Variants in EIF4ENIF1 observed in about 807,000 individuals in gnomAD.
The protein encoded by EIF4ENIF1 is eukaryotic translation initiation factor 4E transporter.
A neutral mutation model predicts 110.5 loss-of-function variants in EIF4ENIF1; 23 were observed. The ratio of observed to expected loss-of-function variants is 0.21; its 90% CI spans 0.15 to 0.29. The LOEUF (loss-of-function observed/expected upper bound fraction) is 0.29. Among genes scored for constraint, EIF4ENIF1 ranks in the 10% least tolerant of loss-of-function variants. The pLI, the probability that EIF4ENIF1 is intolerant of heterozygous loss-of-function variation, is 1.00. For missense variants in EIF4ENIF1, 1,031 were observed against 1,221.1 expected, an observed-to-expected ratio of 0.84 and a Z score of 2.32; for synonymous variants, 440 against 437.0, an observed-to-expected ratio of 1.01 and a Z score of -0.09.
chr22:31,449,564 T>C (rs1033876913), intron 11 of EIF4ENIF1, 33 bp from the exon 12 acceptor site: 2 of 1,591,880 alleles, frequency 1.3e-6, no homozygotes, highest in Non-Finnish European at 1.7e-6. Context: ...CCTGTGAACT[T>C]AGTTATTCCT....
In EIF4ENIF1 at chr22:31,454,200, T is replaced by C; in HGVS notation, c.1456A>G (p.Lys486Glu). The change falls in exon 10 of 19, where the codon AAG becomes GAG. Residue 486 changes from lysine to glutamate, a missense_variant. By Grantham distance (56) the Lys-to-Glu change is moderately conservative. Coordinates refer to ENST00000330125, the MANE Select transcript of EIF4ENIF1 (RefSeq NM_019843.4). ...CTTGCCTTCATTGTGCTCACTAGCT[T>C]GTTGAACGCAGTCATGTCTCCGTCT... ...KKDGDMTAFNKLVSTMKASGT... is the reference protein window; with the variant it reads ...KKDGDMTAFNELVSTMKASGT... 6.2e-7 allele frequency: 1 copy of C among 1,614,190 alleles called. No homozygotes were observed. Among genetic ancestry groups the C allele is most frequent in the Non-Finnish European group, 8.5e-7 (1 of 1,180,030 alleles).
At chr22:31,482,834 C>T (rs1233365774) in intron 2 of EIF4ENIF1, among the ~76,000 whole-genome samples, 1 of 150,136 alleles carries the variant, frequency 6.7e-6, no homozygotes, top group Non-Finnish European at 1.5e-5. Context: ...CCATCCTGGC[C>T]AACATGGTGA....
intron 5 of EIF4ENIF1, among the ~76,000 whole-genome samples, 170 bp from the exon 6 acceptor site, chr22:31,463,303 G>A (rs1418427777): frequency 6.6e-6 from 1 of 151,980 alleles, no homozygotes; most frequent in African/African-American, 2.4e-5. Flanking sequence ...AGCAGGCTGT[G>A]TTCATGCCTG....
intron 2 of EIF4ENIF1, among the ~76,000 whole-genome samples, chr22:31,478,907 G>A (rs1356199230): frequency 8.9e-5 from 13 of 145,464 alleles, no homozygotes; most frequent in Admixed American, 5.6e-4. Flanking sequence ...AGCTGAGATC[G>A]CACCACTGCA....
intron 13 of EIF4ENIF1, 97 bp downstream of exon 13, chr22:31,448,056 C>G (rs2050530798): frequency 7.0e-7 from 1 of 1,423,300 alleles, no homozygotes; most frequent in East Asian, 2.3e-5. Flanking sequence ...GCCTCAAAAC[C>G]ATTTTTAAGA....
At position 31,439,987 on chromosome 22, in the gene EIF4ENIF1, A is replaced by G. The variant is rs753340717; in HGVS notation, c.2851T>C (p.Ser951Pro). ...LEHRPSQRSS[S>P]PVGLAKWFGS... ...AACCATTTGGCAAGGCCCACAGGGG[A>G]GCTGCTCCTCTGGCTGGGGCGATGC... The change falls in exon 19 of 19, where the codon TCC becomes CCC. Residue 951 changes from serine to proline, a missense_variant. By Grantham distance (74) the Ser-to-Pro change is moderately conservative. Transcript: ENST00000330125. 1 of 1,614,022 alleles carries G rather than the reference A, an allele frequency of 6.2e-7. No individual in the cohort carries two copies. Among genetic ancestry groups the G allele is most frequent in the South Asian group, 1.1e-5 (1 of 91,062 alleles).
At chr22:31,466,545 G>A (rs2051194212) in intron 4 of EIF4ENIF1, among the ~76,000 whole-genome samples, 1 of 149,176 alleles carries the variant, frequency 6.7e-6, no homozygotes, top group Non-Finnish European at 1.5e-5. Flanking sequence ...CCACGCCACT[G>A]TACTCCAGCC....
intron 2 of EIF4ENIF1, among the ~76,000 whole-genome samples, chr22:31,480,575 G>C (rs963065244): frequency 7.9e-5 from 12 of 151,914 alleles, no homozygotes; most frequent in African/African-American, 2.9e-4. Context: ...CTAACATGGA[G>C]AAACCCCATC....
intron 14 of EIF4ENIF1, among the ~76,000 whole-genome samples, chr22:31,445,012 A>G (rs2050418402): frequency 6.6e-6 from 1 of 152,194 alleles, no homozygotes; most frequent in African/African-American, 2.4e-5. Flanking sequence ...AGAAATAACA[A>G]GGCACTGCAG....
At chr22:31,464,701 T>TATAA (rs2051124124) in intron 4 of EIF4ENIF1, among the ~76,000 whole-genome samples, 1 of 36,494 alleles carries the variant, frequency 2.7e-5, no homozygotes, top group South Asian at 9.9e-4. Flanking sequence ...AAAAAAAAAA[T>TATAA]ATATATATAT....
At chr22:31,488,530 G>T in intron 2 of EIF4ENIF1, 93 bp downstream of exon 2, 1 of 1,538,288 alleles carries the variant, frequency 6.5e-7, no homozygotes, top group Non-Finnish European at 8.9e-7. Context: ...GAGTCAGAAT[G>T]AGATTACCAC....
At chr22:31,471,802 T>G (rs767482208) in intron 3 of EIF4ENIF1, 42 bp downstream of exon 3, 1 of 1,505,988 alleles carries the variant, frequency 6.6e-7, no homozygotes, top group Non-Finnish European at 9.0e-7. Context: ...TAACAAAAAG[T>G]TATTGACTAG....
chr22:31,455,168 A>G lies in EIF4ENIF1; in HGVS notation c.1247T>C (p.Leu416Pro). 1 of 1,611,806 alleles carries G rather than the reference A, an allele frequency of 6.2e-7. No homozygotes were observed. The highest frequency in any genetic ancestry group is 8.5e-7 in the Non-Finnish European group (1 of 1,179,480). Residue 416 changes from leucine (L) to proline (P), a missense_variant, in exon 9 of 19, where the codon CTT becomes CCT. Around this residue, in one of 3 missense-constraint regions of EIF4ENIF1, gnomAD observed 704 missense variants for 879.7 expected, o/e 0.80. Coordinates refer to ENST00000330125, the MANE Select transcript of EIF4ENIF1 (RefSeq NM_019843.4). ...KVDLKPLLSS[L>P]SANKEKLKES... Reference sequence around the variant, plus strand: ...TTTAAGTTTTTCTTTATTTGCAGAAAGGCTGGAAAGAAGAGGTTTCAAATC... The same window carrying G: ...TTTAAGTTTTTCTTTATTTGCAGAAGGGCTGGAAAGAAGAGGTTTCAAATC...
At chr22:31,455,425 G>A in intron 8 of EIF4ENIF1, 110 bp from the exon 9 acceptor site, 1 of 1,001,026 alleles carries the variant, frequency 1.0e-6, no homozygotes, top group Non-Finnish European at 1.3e-6. Context: ...TTGAGATGGA[G>A]TTTCGCTTTT....
At chr22:31,481,132 G>A (rs1167655011) in intron 2 of EIF4ENIF1, among the ~76,000 whole-genome samples, 1 of 152,100 alleles carries the variant, frequency 6.6e-6, no homozygotes, top group African/African-American at 2.4e-5. Context: ...AGTAAGATAG[G>A]TTTTCTGGAC....
intron 2 of EIF4ENIF1, among the ~76,000 whole-genome samples, chr22:31,486,818 C>T (rs974903388): frequency 6.6e-6 from 1 of 152,016 alleles, no homozygotes. Flanking sequence ...CAGTGGCTCA[C>T]GCCTGTGATC....
At chr22:31,439,293 C>G (rs143881898), downstream of EIF4ENIF1, 1 of 152,982 alleles carries the variant, frequency 6.5e-6, no homozygotes, top group African/African-American at 2.4e-5. Context: ...CTGGGTGACA[C>G]AGAGTGAGAC....
chr22:31,447,590 CAGG>C, intron 13 of EIF4ENIF1, 25 bp from the exon 14 acceptor site: 2 of 1,587,732 alleles, frequency 1.3e-6, no homozygotes, highest in Non-Finnish European at 8.6e-7. Flanking sequence ...AGGGGAGGGT[CAGG>C]AGAAGAGTAA....
At chr22:31,463,190 A>T in intron 5 of EIF4ENIF1, 57 bp from the exon 6 acceptor site, 1 of 1,540,088 alleles carries the variant, frequency 6.5e-7, no homozygotes, top group Non-Finnish European at 8.9e-7. Context: ...TTTCTACTTC[A>T]GTCAAGGTCT....
Sources: allele counts gnomAD v4.1 joint callset (sites outside exome capture counted in the v4.1 genomes callset), GRCh38; gene constraint gnomAD v4.1.1; regional missense constraint gnomAD v4.1.1; transcripts MANE v1.5; gene names NCBI Gene and HGNC (gene_info 2026-07-23, HGNC 2026-07-21).